Variants in VCL observed in about 807,000 individuals in gnomAD.
VCL encodes vinculin, also known as epididymis luminal protein 114.
VCL carries 47 observed loss-of-function variants against 125.7 expected under a neutral mutation model. The ratio of observed to expected loss-of-function variants is 0.37; its 90% CI spans 0.30 to 0.48. The LOEUF is 0.48. Among genes scored for constraint, VCL ranks in the 20% least tolerant of loss-of-function variants. The pLI is 0.99. For synonymous variants in VCL, 458 were observed against 514.6 expected, an observed-to-expected ratio of 0.89 and a Z score of 1.49; for missense variants, 1,069 against 1,455.5, an observed-to-expected ratio of 0.73 and a Z score of 4.32.
intron 2 of VCL, 112 bp from the exon 3 acceptor site, chr10:74,070,558 T>G: frequency 6.6e-7 from 1 of 1,512,608 alleles, no homozygotes; most frequent in South Asian, 1.1e-5. Flanking sequence ...TTGGCTATTT[T>G]TCATGTAGGG....
chr10:74,088,285 A>C (rs184698901), intron 8 of VCL, among the ~76,000 whole-genome samples: 115 of 152,302 alleles, frequency 7.6e-4, no homozygotes, highest in African/African-American at 2.5e-3. Context: ...ATAGAGAAAC[A>C]AGTTTCCATG....
chr10:74,117,375 C>T (rs371258500), intron 21 of VCL, among the ~76,000 whole-genome samples: 3 of 152,118 alleles, frequency 2.0e-5, no homozygotes, highest in Non-Finnish European at 4.4e-5. Context: ...AGGCCAAGCG[C>T]GGTGGCTCAC....
At chr10:74,079,834 A>G (rs1216018478) in intron 6 of VCL, among the ~76,000 whole-genome samples, 2 of 152,200 alleles carry the variant, frequency 1.3e-5, no homozygotes, top group Non-Finnish European at 2.9e-5. Flanking sequence ...TATTGTTTTA[A>G]ATCTCTGAAA....
At chr10:74,107,459 T>A (rs1840153882) in intron 17 of VCL, 105 bp downstream of exon 17, 5 of 1,571,434 alleles carry the variant, frequency 3.2e-6, no homozygotes, top group Non-Finnish European at 4.3e-6. Flanking sequence ...GTGGCTTCGT[T>A]TAGCTTTCAT....
chr10:74,032,240 TAA>T (rs770412004), intron 1 of VCL, among the ~76,000 whole-genome samples: 2 of 75,990 alleles, frequency 2.6e-5, no homozygotes, highest in Non-Finnish European at 5.6e-5. Context: ...TGTTTCAGAA[TAA>T]AAAAAAAAAA....
At chr10:74,012,716 A>G (rs148609171) in intron 1 of VCL, among the ~76,000 whole-genome samples, 138 of 152,276 alleles carry the variant, frequency 9.1e-4, no homozygotes, top group Non-Finnish European at 1.5e-3. Context: ...CATTGGCCTC[A>G]GCTGCTTTCT....
intron 1 of VCL, among the ~76,000 whole-genome samples, chr10:74,037,749 G>A (rs1482991617): frequency 6.6e-6 from 1 of 152,094 alleles, no homozygotes; most frequent in Non-Finnish European, 1.5e-5. Flanking sequence ...TCCTTTCCAG[G>A]CCTGGCTCCT....
intron 21 of VCL, among the ~76,000 whole-genome samples, chr10:74,116,398 G>T (rs1268687687): frequency 6.6e-6 from 1 of 152,110 alleles, no homozygotes; most frequent in Non-Finnish European, 1.5e-5. Context: ...TCTGTCCAAA[G>T]AAAGGTGGAA....
chr10:74,020,409 C>G (rs527384220), intron 1 of VCL, among the ~76,000 whole-genome samples: 1 of 152,022 alleles, frequency 6.6e-6, no homozygotes, highest in South Asian at 2.1e-4. Flanking sequence ...AGAGATGCTG[C>G]AAGAAAACAC....
In VCL at chr10:74,090,192, G is replaced by A. The variant is rs755234443; in HGVS notation, c.1346G>A (p.Arg449Gln). The stretch of plus-strand genomic sequence containing the variant: ...CTGACTTCTAAATTAGCAGATCTAC[G>A]AAGACAGTATGTATTTAACCCTTAC... ...SALTSKLADL[R>Q]RQGKGDSPEA... is the part of the protein sequence containing the mutation. Residue 449 changes from arginine (R) to glutamine (Q), a missense_variant, in exon 10 of 22, where the codon CGA becomes CAA. Around this residue, in one of 6 missense-constraint regions of VCL, gnomAD observed 760 missense variants for 928.9 expected, o/e 0.82. Transcript: ENST00000211998. The A allele has an allele frequency of 1.3e-5, 21 of 1,614,090 alleles. No individual in the cohort carries two copies. Among genetic ancestry groups the A allele is most frequent in the East Asian group, 4.5e-5 (2 of 44,876 alleles).
intron 1 of VCL, among the ~76,000 whole-genome samples, chr10:74,042,214 T>G (rs1841106837): frequency 6.6e-6 from 1 of 152,236 alleles, no homozygotes; most frequent in African/African-American, 2.4e-5. Context: ...ATTGTTTTAA[T>G]GGCCCACATA....
At chr10:74,091,807 A>AAAAAAAAAAAAAAAAAAC in intron 10 of VCL, among the ~76,000 whole-genome samples, 1 of 150,498 alleles carries the variant, frequency 6.6e-6, no homozygotes. Flanking sequence ...AAAAAAAAAA[A>AAAAAAAAAAAAAAAAAAC]AAAAAAAGAA....
chr10:74,004,147 A>C (rs1478819524), intron 1 of VCL, among the ~76,000 whole-genome samples: 1 of 152,190 alleles, frequency 6.6e-6, no homozygotes, highest in Non-Finnish European at 1.5e-5. Flanking sequence ...AGTAAATAAC[A>C]GTGTTTGGGT....
chr10:74,029,117 A>T (rs1371909581), intron 1 of VCL, among the ~76,000 whole-genome samples: 2 of 137,380 alleles, frequency 1.5e-5, no homozygotes, highest in Non-Finnish European at 3.2e-5. Flanking sequence ...ATACAGAAGA[A>T]TTTTTTTTTT....
In VCL at chr10:74,095,848, C is replaced by T. The variant is rs1438495738; in HGVS notation, c.1736C>T (p.Ser579Phe). The T allele has an allele frequency of 3.1e-6, 5 of 1,613,638 alleles. No individual in the cohort carries two copies. The highest frequency in any genetic ancestry group is 2.2e-5 in the East Asian group (1 of 44,870). Residue 579 changes from serine to phenylalanine, a missense_variant, in exon 12 of 22, where the codon TCC becomes TTC. Coordinates refer to ENST00000211998, the MANE Select transcript of VCL (RefSeq NM_014000.3). ...GCACTTGCATCTCAGCTCCAAGACT[C>T]CTTAAAGGTAGAAGTCAGGAGCACA... The part of the protein sequence containing the change: ...ARALASQLQD[S>F]LKDLKARMQE...
intron 2 of VCL, among the ~76,000 whole-genome samples, chr10:74,058,377 C>T (rs967943804): frequency 3.3e-5 from 5 of 152,148 alleles, no homozygotes; most frequent in Admixed American, 2.0e-4. Flanking sequence ...TATGTAAACA[C>T]CTGTTTCCTT....
intron 1 of VCL, among the ~76,000 whole-genome samples, chr10:74,025,297 G>A (rs187898289): frequency 1.3e-5 from 2 of 152,128 alleles, no homozygotes; most frequent in East Asian, 1.9e-4. Context: ...GAATACAGGC[G>A]TAGCCATGGT....
chr10:74,068,426 G>A (rs1486613308), intron 2 of VCL, among the ~76,000 whole-genome samples: 1 of 152,116 alleles, frequency 6.6e-6, no homozygotes, highest in Non-Finnish European at 1.5e-5. Flanking sequence ...CTGGGTTCAA[G>A]TGATTCTCCT....
At chr10:74,075,094 A>C in intron 6 of VCL, 191 bp downstream of exon 6, 5 of 706,148 alleles carry the variant, frequency 7.1e-6, no homozygotes, top group Non-Finnish European at 1.2e-5. Flanking sequence ...CTTTGTTCTA[A>C]GGTAGAACAA....
Sources: gnomAD v4.1 joint callset for allele counts (sites outside exome capture counted in the v4.1 genomes callset) on GRCh38, gnomAD v4.1.1 for gene constraint, gnomAD v4.1.1 regional missense constraint, MANE v1.5 for transcripts, NCBI Gene and HGNC (gene_info 2026-07-23, HGNC 2026-07-21) for gene names.